The following TRIP11 variants were observed in gnomAD, a reference collection of about 807,000 sequenced individuals.
TRIP11 encodes the protein thyroid hormone receptor interactor 11, also known as thyroid receptor-interacting protein 11.
Under a neutral mutation model 223.1 loss-of-function variants are expected in TRIP11, and 148 were observed. That is an observed-to-expected ratio of 0.66 (90% CI 0.58 to 0.76). The LOEUF (loss-of-function observed/expected upper bound fraction) is 0.76, where lower values mean the gene tolerates loss of function less well. Ranked by LOEUF, TRIP11 falls within the 30% of genes least tolerant of loss-of-function variation. The probability of loss-of-function intolerance (pLI) is 0.00; values close to 1 mark genes in which losing one functional copy is unlikely to be tolerated. For synonymous variants in TRIP11, 762 were observed against 772.6 expected (o/e 0.99, Z 0.23); for missense variants, 2,043 against 2,222.0 (o/e 0.92, Z 1.62).
At position 92,004,322 on chromosome 14, in the gene TRIP11, T is replaced by A; in HGVS notation, c.3654A>T (p.Val1218=). The part of the protein sequence containing the change: ...LQERDKLKQQ[V]KKMEEWKQQV... ...GCTGCTTCCACTCTTCCATTTTCTT[T>A]ACTTGCTGTTTTAACTTGTCACGTT... The change falls in exon 11 of 21, where the codon GTA becomes GTT. Residue 1218 remains valine (V), a synonymous_variant. Coordinates refer to ENST00000267622, the MANE Select transcript of TRIP11 (RefSeq NM_004239.4). 1 of 1,614,162 alleles carries A rather than the reference T, an allele frequency of 6.2e-7. No homozygotes were observed. Among genetic ancestry groups the A allele is most frequent in the Non-Finnish European group, 8.5e-7 (1 of 1,180,022 alleles).
chr14:92,002,226 G>A lies in TRIP11; in HGVS notation c.4557+1193C>T, dbSNP rs569870067. Among the ~76,000 whole-genome samples, 385 of 152,118 alleles carry A rather than the reference G, an allele frequency of 2.5e-3. 2 individuals are homozygous for A. Among genetic ancestry groups the A allele is most frequent in the African/African-American group, 8.9e-3 (368 of 41,490 alleles). On this transcript the variant is annotated intron_variant, in intron 11 of 20. Transcript: ENST00000267622. ...GTACAGTATAGTATACAGTGTAACA[G>A]GAAATCCTCAATAATTCTTACTAAA...
chr14:92,005,366 T>C lies in TRIP11; in HGVS notation c.2610A>G (p.Glu870=). 1 of 1,614,200 alleles carries C rather than the reference T, an allele frequency of 6.2e-7. No homozygotes were observed. Among genetic ancestry groups the C allele is most frequent in the Non-Finnish European group, 8.5e-7 (1 of 1,180,050 alleles). Reference sequence around the variant, plus strand: ...TTCGACTCTGCTCTTCCCTGAGTCGTTCCAATTCTTCTTGCAGATGATTAT... The same window carrying C: ...TTCGACTCTGCTCTTCCCTGAGTCGCTCCAATTCTTCTTGCAGATGATTAT... ...EENNHLQEEL[E]RLREEQSRTA... Residue 870 remains glutamate (E), a synonymous_variant, in exon 11 of 21, where the codon GAA becomes GAG. Coordinates refer to ENST00000267622, the MANE Select transcript of TRIP11 (RefSeq NM_004239.4).
chr14:92,026,545 G>A (rs147895966), intron 2 of TRIP11: 694 of 1,250,316 alleles, frequency 5.6e-4, no homozygotes, highest in Non-Finnish European at 7.4e-4. Flanking sequence ...CCCCTGCATC[G>A]GATCACTGGC....
In TRIP11 at chr14:92,025,341, G is replaced by A. The variant is rs756389905; in HGVS notation, c.281C>T (p.Thr94Ile). 1 of 1,613,518 alleles carries A rather than the reference G, an allele frequency of 6.2e-7. No homozygotes were observed. Among genetic ancestry groups the A allele is most frequent in the Non-Finnish European group, 8.5e-7 (1 of 1,179,874 alleles). The change falls in exon 3 of 21, where the codon ACA becomes ATA. Residue 94 changes from threonine (T) to isoleucine (I), a missense_variant. Coordinates refer to ENST00000267622, the MANE Select transcript of TRIP11 (RefSeq NM_004239.4). ...TTGTTGAAGTTGATTTCGGTAACTTGTAGATTGCTGCTTTATTTGAATCTC... is the reference window on the plus strand; with the variant it reads ...TTGTTGAAGTTGATTTCGGTAACTTATAGATTGCTGCTTTATTTGAATCTC... ...ASEIQIKQQS[T>I]SYRNQLQQKE... is the part of the protein sequence containing the mutation.
At chr14:92,031,855 C>T (rs2057269751) in intron 2 of TRIP11, among the ~76,000 whole-genome samples, 1 of 152,186 alleles carries the variant, frequency 6.6e-6, no homozygotes, top group South Asian at 2.1e-4. Flanking sequence ...CTCTGTTGCC[C>T]GGGCTGGAAT....
intron 2 of TRIP11, among the ~76,000 whole-genome samples, chr14:92,031,029 T>C (rs1275618979): frequency 6.6e-6 from 1 of 152,034 alleles, no homozygotes; most frequent in African/African-American, 2.4e-5. Context: ...GTGGAAAGAC[T>C]GCTTGAAGCC....
intron 4 of TRIP11, among the ~76,000 whole-genome samples, chr14:92,019,389 A>T (rs2057081345): frequency 6.6e-6 from 1 of 152,236 alleles, no homozygotes; most frequent in Non-Finnish European, 1.5e-5. Context: ...GAAGATCTAC[A>T]ATACTGCCAA....
chr14:92,028,509 A>G (rs1451506293), intron 2 of TRIP11, among the ~76,000 whole-genome samples: 2 of 152,200 alleles, frequency 1.3e-5, no homozygotes, highest in Non-Finnish European at 2.9e-5. Context: ...AGCCATGATC[A>G]CACCACTGCA....
intron 20 of TRIP11, among the ~76,000 whole-genome samples, chr14:91,970,285 C>T (rs1455476073): frequency 2.0e-5 from 3 of 151,836 alleles, no homozygotes; most frequent in Non-Finnish European, 4.4e-5. Flanking sequence ...TGGTGGCGGG[C>T]GCCTGTAATC....
At chr14:91,988,988 A>AT (rs938517464) in intron 15 of TRIP11, among the ~76,000 whole-genome samples, 1 of 152,278 alleles carries the variant, frequency 6.6e-6, no homozygotes, top group Non-Finnish European at 1.5e-5. Context: ...CATATCTGCC[A>AT]TTTTTCTACT....
In TRIP11 at chr14:92,003,742, T is replaced by C; in HGVS notation, c.4234A>G (p.Lys1412Glu). 1 of 1,614,210 alleles carries C rather than the reference T, an allele frequency of 6.2e-7. No homozygotes were observed. The highest frequency in any genetic ancestry group is 8.5e-7 in the Non-Finnish European group (1 of 1,180,022). ...CTTTTGGCTTTGATTAAGAGGTCTT[T>C]TTCCTTAAGTAACTTTTGCAAAACA... is the stretch of plus-strand genomic sequence containing the variant. Reference protein sequence around the residue: ...QDVLQKLLKEKDLLIKAKSDQ... With the variant: ...QDVLQKLLKEEDLLIKAKSDQ... Residue 1412 changes from lysine to glutamate, a missense_variant, in exon 11 of 21, where the codon AAA becomes GAA. By Grantham distance (56) the Lys-to-Glu change is moderately conservative. Coordinates refer to ENST00000267622, the MANE Select transcript of TRIP11 (RefSeq NM_004239.4).
intron 15 of TRIP11, among the ~76,000 whole-genome samples, chr14:91,992,698 A>G (rs1479060715): frequency 6.6e-6 from 1 of 152,030 alleles, no homozygotes; most frequent in Non-Finnish European, 1.5e-5. Context: ...TCACGAGGTC[A>G]GGAGATCGAG....
At chr14:92,011,848 A>C in intron 7 of TRIP11, 53 bp from the exon 8 acceptor site, 1 of 1,546,062 alleles carries the variant, frequency 6.5e-7, no homozygotes. Context: ...GTAACTTATT[A>C]TCTTCAATAT....
chr14:91,987,672 T>G (rs17127822), intron 16 of TRIP11, among the ~76,000 whole-genome samples: 15,767 of 152,158 alleles, frequency 0.1, 854 homozygotes, highest in Non-Finnish European at 0.12. Context: ...AAATCAGAGA[T>G]GAAATGAGGA....
rs565146747 is a variant in TRIP11, at chr14:92,031,091, A to C, written c.201+2101T>G. On this transcript the variant is annotated intron_variant, in intron 2 of 20. Transcript: ENST00000267622. ...AGAGCAAGACATCGTCTCTACAAAAAATTTTATTTATTTATTTATTTTTTT... is the reference window on the plus strand; with the variant it reads ...AGAGCAAGACATCGTCTCTACAAAACATTTTATTTATTTATTTATTTTTTT... Among the ~76,000 whole-genome samples, 15 of 151,884 alleles carry C rather than the reference A, an allele frequency of 9.9e-5. 1 individual carries two copies. The East Asian group carries it at 2.7e-3, about 28-fold the overall frequency.
intron 16 of TRIP11, among the ~76,000 whole-genome samples, chr14:91,985,147 CT>C (rs1467580599): frequency 1.3e-5 from 2 of 152,138 alleles, no homozygotes; most frequent in Non-Finnish European, 2.9e-5. Flanking sequence ...TAATGGGATT[CT>C]GGAGGAACTA....
intron 3 of TRIP11, among the ~76,000 whole-genome samples, chr14:92,023,565 G>A (rs1033907152): frequency 6.6e-6 from 1 of 152,106 alleles, no homozygotes; most frequent in African/African-American, 2.4e-5. Context: ...TTCGAATTTT[G>A]GTAGGAATGC....
chr14:92,026,957 C>T (rs1595408391), intron 2 of TRIP11: 1 of 1,077,820 alleles, frequency 9.3e-7, no homozygotes, highest in Admixed American at 2.1e-5. Context: ...CTTCCCCTCT[C>T]AGAATCTAAA....
At chr14:91,976,085 A>T in intron 17 of TRIP11, 23 bp downstream of exon 17, 1 of 1,607,246 alleles carries the variant, frequency 6.2e-7, no homozygotes, top group Non-Finnish European at 8.5e-7. Flanking sequence ...AAAATATACA[A>T]ACATTAAAAG....
Sources: gnomAD v4.1 joint callset for allele counts (sites outside exome capture counted in the v4.1 genomes callset) on GRCh38, gnomAD v4.1.1 for gene constraint, MANE v1.5 for transcripts, NCBI Gene and HGNC (gene_info 2026-07-23, HGNC 2026-07-21) for gene names.